Variants in FBXL17 observed in about 807,000 individuals in gnomAD.
FBXL17 encodes F-box and leucine rich repeat protein 17.
A neutral mutation model predicts 66.2 loss-of-function variants in FBXL17; 22 were observed. The ratio of observed to expected loss-of-function variants is 0.33; its 90% CI spans 0.24 to 0.47. FBXL17 has a LOEUF of 0.47. FBXL17 is among the 20% of genes least tolerant of loss of function. The pLI is 1.00. For missense variants in FBXL17, 878 were observed against 948.2 expected (o/e 0.93, Z 0.97); for synonymous variants, 474 against 400.5 (o/e 1.18, Z -2.19).
chr5:108,042,320 C>G (rs961570584), intron 6 of FBXL17, among the ~76,000 whole-genome samples: 1 of 152,160 alleles, frequency 6.6e-6, no homozygotes, highest in Admixed American at 6.5e-5. Context: ...TAGAATATCA[C>G]AAGCAGGATA....
At chr5:108,372,729 G>A (rs376402713) in intron 1 of FBXL17, among the ~76,000 whole-genome samples, 1 of 152,100 alleles carries the variant, frequency 6.6e-6, no homozygotes, top group Non-Finnish European at 1.5e-5. Context: ...AAAAACTGAG[G>A]AAGTTTGTCA....
intron 4 of FBXL17, among the ~76,000 whole-genome samples, chr5:108,295,353 T>C (rs1446716155): frequency 2.6e-5 from 4 of 152,070 alleles, no homozygotes; most frequent in Middle Eastern, 3.4e-3. Context: ...TTCTCATATA[T>C]TCTAAGCACA....
At chr5:107,984,325 T>C (rs1752936229) in intron 7 of FBXL17, among the ~76,000 whole-genome samples, 1 of 152,232 alleles carries the variant, frequency 6.6e-6, no homozygotes, top group Non-Finnish European at 1.5e-5. Flanking sequence ...GTAACATAAA[T>C]TGTACTTCAT....
At chr5:108,302,068 A>C (rs551755260) in intron 4 of FBXL17, 8 of 981,464 alleles carry the variant, frequency 8.2e-6, no homozygotes, top group Non-Finnish European at 6.0e-6. Context: ...TTTCTGAAAA[A>C]CATGCCACAA....
At chr5:107,997,677 T>A (rs1375713989) in intron 7 of FBXL17, among the ~76,000 whole-genome samples, 1 of 152,196 alleles carries the variant, frequency 6.6e-6, no homozygotes. Flanking sequence ...AGATGTCAGA[T>A]GAACAGTCTG....
intron 7 of FBXL17, among the ~76,000 whole-genome samples, chr5:107,964,580 C>A (rs1752045334): frequency 6.6e-6 from 1 of 152,038 alleles, no homozygotes; most frequent in African/African-American, 2.4e-5. Flanking sequence ...CTGATAGTCC[C>A]CATTAAATTT....
At chr5:108,290,882 A>G (rs1758083409) in intron 4 of FBXL17, among the ~76,000 whole-genome samples, 2 of 152,194 alleles carry the variant, frequency 1.3e-5, no homozygotes, top group South Asian at 4.1e-4. Context: ...AATTAATGCT[A>G]ATGTTTAATC....
chr5:108,373,491 G>GA (rs1749204798), intron 1 of FBXL17, among the ~76,000 whole-genome samples: 1 of 150,402 alleles, frequency 6.6e-6, no homozygotes, highest in Non-Finnish European at 1.5e-5. Flanking sequence ...CTGACACAAA[G>GA]AACAGCATCA....
chr5:108,299,165 T>A, intron 4 of FBXL17: 1 of 982,934 alleles, frequency 1.0e-6, no homozygotes, highest in Non-Finnish European at 1.2e-6. Context: ...CTATCAAGTT[T>A]GTTTTTCTTT....
At chr5:108,362,596 G>C (rs1748413371) in intron 3 of FBXL17, among the ~76,000 whole-genome samples, 1 of 151,960 alleles carries the variant, frequency 6.6e-6, no homozygotes, top group African/African-American at 2.4e-5. Flanking sequence ...ATTTCAGGGT[G>C]GTATTTCACA....
chr5:108,019,682 C>CT (rs1375239667), intron 7 of FBXL17, among the ~76,000 whole-genome samples: 1 of 151,606 alleles, frequency 6.6e-6, no homozygotes, highest in East Asian at 1.9e-4. Context: ...CTCTCTCTCT[C>CT]AATATGCCGT....
At chr5:108,224,300 T>G in intron 4 of FBXL17, 72 bp from the exon 5 acceptor site, 1 of 759,234 alleles carries the variant, frequency 1.3e-6, no homozygotes, top group Non-Finnish European at 2.2e-6. Flanking sequence ...CTCCTGAAAA[T>G]CCTCTCAGCC....
At chr5:108,204,767 T>C (rs9942358) in intron 5 of FBXL17, among the ~76,000 whole-genome samples, 10,941 of 152,212 alleles carry the variant, frequency 0.072, 1,304 homozygotes, top group African/African-American at 0.25. Flanking sequence ...AATTTTATCA[T>C]GTTAGACTAA....
chr5:108,361,378 G>C (rs1300314606), intron 3 of FBXL17, among the ~76,000 whole-genome samples: 1 of 152,070 alleles, frequency 6.6e-6, no homozygotes, highest in Non-Finnish European at 1.5e-5. Flanking sequence ...TTTGCAGACT[G>C]GCTCTGTGCT....
chr5:108,086,957 G>C (rs894157843), intron 6 of FBXL17, among the ~76,000 whole-genome samples: 8 of 152,130 alleles, frequency 5.3e-5, no homozygotes, highest in African/African-American at 1.9e-4. Flanking sequence ...GGACTGGCTG[G>C]TATGCAGATG....
At chr5:108,117,831 C>G (rs1194897922) in intron 6 of FBXL17, among the ~76,000 whole-genome samples, 1 of 152,144 alleles carries the variant, frequency 6.6e-6, no homozygotes, top group Non-Finnish European at 1.5e-5. Context: ...GTTTTTGACA[C>G]AGGAGTTCAC....
At chr5:108,378,745 G>GT in intron 1 of FBXL17, among the ~76,000 whole-genome samples, 1 of 152,316 alleles carries the variant, frequency 6.6e-6, no homozygotes, top group East Asian at 1.9e-4. Context: ...ACATTCGTTC[G>GT]TAAGTATTTA....
chr5:107,918,833 A>C (rs1305931740), intron 7 of FBXL17, among the ~76,000 whole-genome samples: 19 of 152,188 alleles, frequency 1.2e-4, no homozygotes, highest in Non-Finnish European at 2.8e-4. Context: ...TGCTTTGCTG[A>C]GTAACTACAC....
At chr5:107,873,760 C>T (rs937375600) in intron 8 of FBXL17, among the ~76,000 whole-genome samples, 5 of 152,178 alleles carry the variant, frequency 3.3e-5, no homozygotes, top group African/African-American at 7.2e-5. Context: ...CTAATTCTCT[C>T]ATATAATTAC....
Sources: allele counts gnomAD v4.1 joint callset (sites outside exome capture counted in the v4.1 genomes callset), GRCh38; gene constraint gnomAD v4.1.1; transcripts MANE v1.5; gene names NCBI Gene and HGNC (gene_info 2026-07-23, HGNC 2026-07-21).